Variants in DCC observed in about 807,000 individuals in gnomAD.
DCC encodes netrin receptor DCC.
Under a neutral mutation model 172.5 loss-of-function variants are expected in DCC, and 58 were observed. That is an observed-to-expected ratio of 0.34 (90% CI 0.27 to 0.42). The LOEUF is 0.42. Among genes scored for constraint, DCC ranks in the 10% least tolerant of loss-of-function variants. The probability of loss-of-function intolerance (pLI) is 1.00; values close to 1 mark genes in which losing one functional copy is unlikely to be tolerated. For synonymous variants in DCC, 709 were observed against 644.5 expected (o/e 1.10, Z -1.52); for missense variants, 1,740 against 1,791.0 (o/e 0.97, Z 0.51).
chr18:53,237,528 G>A (rs1598934832), intron 12 of DCC, among the ~76,000 whole-genome samples: 1 of 152,182 alleles, frequency 6.6e-6, no homozygotes, highest in African/African-American at 2.4e-5. Context: ...CTCATGCAGG[G>A]TGCCTGCTTT....
chr18:53,003,180 T>C (rs1245809793), intron 5 of DCC, among the ~76,000 whole-genome samples: 1 of 151,962 alleles, frequency 6.6e-6, no homozygotes, highest in Non-Finnish European at 1.5e-5. Flanking sequence ...CTTCTTCCAT[T>C]TCCTCAGCAA....
At chr18:53,505,433 T>C (rs1041910239) in intron 27 of DCC, 1 of 152,136 alleles carries the variant, frequency 6.6e-6, no homozygotes, top group African/African-American at 2.4e-5. Context: ...CATAGGTCAA[T>C]GAGAGCAAAA....
At chr18:52,781,639 A>G (rs1464721572) in intron 2 of DCC, among the ~76,000 whole-genome samples, 1 of 152,092 alleles carries the variant, frequency 6.6e-6, no homozygotes, top group Non-Finnish European at 1.5e-5. Flanking sequence ...TCAGTAACAG[A>G]AGTTATTGAT....
intron 1 of DCC, among the ~76,000 whole-genome samples, chr18:52,720,921 T>A (rs190573311): frequency 5.7e-4 from 87 of 152,290 alleles, no homozygotes; most frequent in African/African-American, 2.0e-3. Context: ...GAGTTCATCC[T>A]CCTTGCAGAT....
chr18:52,534,158 A>T (rs2032226607), intron 1 of DCC, among the ~76,000 whole-genome samples: 1 of 152,050 alleles, frequency 6.6e-6, no homozygotes, highest in African/African-American at 2.4e-5. Context: ...ATTTTTTTTC[A>T]TATTAGGATA....
At position 53,267,149 on chromosome 18, in the gene DCC, TAG is replaced by T. The variant is rs148961817; in HGVS notation, c.1912-38413_1912-38412del. On this transcript the variant is annotated intron_variant, in intron 12 of 28. Coordinates refer to ENST00000442544, the MANE Select transcript of DCC (RefSeq NM_005215.4). ...ACACACACACATATATATATATATA[TAG>T]AGAGAGAGAGAGAGACAGAGACAGA... Among the ~76,000 whole-genome samples the T allele has an allele frequency of 1.1e-3, 156 of 144,728 alleles. 1 individual carries two copies. The highest frequency in any genetic ancestry group is 3.5e-3 in the Middle Eastern group (1 of 288). 94.9% of individuals were successfully genotyped at this position (144,728 alleles called of 152,430 possible).
At chr18:53,258,488 G>C (rs1311653097) in intron 12 of DCC, among the ~76,000 whole-genome samples, 1 of 152,060 alleles carries the variant, frequency 6.6e-6, no homozygotes, top group Non-Finnish European at 1.5e-5. Context: ...TCATTCAGGA[G>C]CAGGTTGTTC....
intron 1 of DCC, among the ~76,000 whole-genome samples, chr18:52,515,606 CA>C (rs58112743): frequency 0.17 from 1,766 of 10,340 alleles, 224 homozygotes; most frequent in African/African-American, 0.2. Context: ...AACCCTGTCT[CA>C]AAAAAAAAAA....
At chr18:52,883,900 A>T (rs2039531713) in intron 2 of DCC, among the ~76,000 whole-genome samples, 3 of 151,266 alleles carry the variant, frequency 2.0e-5, no homozygotes. Context: ...GTGTTGATGA[A>T]ATCCCCTAAG....
chr18:52,373,553 C>T (rs1209546937), intron 1 of DCC, among the ~76,000 whole-genome samples: 1 of 152,120 alleles, frequency 6.6e-6, no homozygotes, highest in Non-Finnish European at 1.5e-5. Context: ...TGCTTCATAA[C>T]CCCACAAGGC....
At chr18:53,242,938 G>C (rs2056320008) in intron 12 of DCC, among the ~76,000 whole-genome samples, 1 of 151,812 alleles carries the variant, frequency 6.6e-6, no homozygotes, top group African/African-American at 2.4e-5. Flanking sequence ...CAGGGTGCAA[G>C]CTCTCACTTG....
At chr18:53,068,936 A>G (rs2042614104) in intron 7 of DCC, among the ~76,000 whole-genome samples, 1 of 152,052 alleles carries the variant, frequency 6.6e-6, no homozygotes, top group Non-Finnish European at 1.5e-5. Flanking sequence ...GAGGCTGACA[A>G]ATCTAGTTTC....
chr18:52,598,570 T>C (rs776920493), intron 1 of DCC, among the ~76,000 whole-genome samples: 12 of 152,166 alleles, frequency 7.9e-5, no homozygotes, highest in Admixed American at 5.2e-4. Context: ...TGGCCAGGAA[T>C]AAGCCTAGAG....
intron 1 of DCC, among the ~76,000 whole-genome samples, chr18:52,649,570 CT>C (rs902203723): frequency 2.6e-5 from 4 of 152,034 alleles, no homozygotes; most frequent in South Asian, 2.1e-4. Context: ...TACCCACCCC[CT>C]CTCACCCTCC....
rs535848468 is a variant in DCC at position 53,534,597 on chromosome 18, G to A, written c.*3944G>A. On this transcript the variant is annotated 3_prime_UTR_variant, in exon 29 of 29. Transcript: ENST00000442544. ...TATTGTACAGAAAAGCTTTTTATTT[G>A]AGTCTAGTGTTTAAAATTAAATTGG... 6.6e-6 allele frequency: 1 copy of A among 152,290 alleles called. No homozygotes were observed. Among genetic ancestry groups the A allele is most frequent in the East Asian group, 1.9e-4 (1 of 5,192 alleles). 9.4% of individuals were successfully genotyped at this position (152,290 alleles called of 1,614,324 possible).
chr18:52,395,725 A>T (rs1986199914), intron 1 of DCC, among the ~76,000 whole-genome samples: 1 of 151,978 alleles, frequency 6.6e-6, no homozygotes, highest in East Asian at 1.9e-4. Context: ...AATCAGAACC[A>T]ATGTTATTCT....
At chr18:52,879,192 C>T (rs1405659046) in intron 2 of DCC, among the ~76,000 whole-genome samples, 1 of 152,018 alleles carries the variant, frequency 6.6e-6, no homozygotes, top group Non-Finnish European at 1.5e-5. Flanking sequence ...CTTTCATAAA[C>T]CTTTGCTTCT....
chr18:53,263,143 ATTTTG>A (rs2056625864), intron 12 of DCC, among the ~76,000 whole-genome samples: 1 of 152,020 alleles, frequency 6.6e-6, no homozygotes, highest in South Asian at 2.1e-4. Flanking sequence ...AGAGTGAATA[ATTTTG>A]TTTTGTTTTA....
At chr18:52,901,959 G>A (rs190988614) in intron 2 of DCC, among the ~76,000 whole-genome samples, 1 of 152,138 alleles carries the variant, frequency 6.6e-6, no homozygotes, top group Non-Finnish European at 1.5e-5. Context: ...TTAAAAGGTG[G>A]AGTGATGATT....
Sources: gnomAD v4.1 joint callset for allele counts (sites outside exome capture counted in the v4.1 genomes callset) on GRCh38, gnomAD v4.1.1 for gene constraint, MANE v1.5 for transcripts, NCBI Gene and HGNC (gene_info 2026-07-23, HGNC 2026-07-21) for gene names.